LSR: variants seen among roughly 807,000 people sequenced by gnomAD.
LSR encodes the protein lipolysis-stimulated lipoprotein receptor.
LSR carries 44 observed loss-of-function variants against 61.8 expected under a neutral mutation model. That is an observed-to-expected ratio of 0.71 (90% CI 0.56 to 0.91). The LOEUF is 0.91. Ranked by LOEUF, LSR falls within the 40% of genes least tolerant of loss-of-function variation. The pLI is 0.00. For missense variants in LSR, 911 were observed against 830.5 expected, an observed-to-expected ratio of 1.10 and a Z score of -1.19; for synonymous variants, 397 against 350.6, an observed-to-expected ratio of 1.13 and a Z score of -1.48.
rs1240393649 is a variant in LSR at position 35,267,303 on chromosome 19, G to T, written c.1339G>T (p.Asp447Tyr). Residue 447 changes from aspartate to tyrosine, a missense_variant, in exon 9 of 10, where the codon GAC becomes TAC. By Grantham distance (160) the Asp-to-Tyr change is radical (BLOSUM62 -3). Coordinates refer to ENST00000605618, the MANE Select transcript of LSR (RefSeq NM_205834.4). ...RARRPRARSV[D>Y]ALDDLTPPST... ...CAGGCGGCCCCGGGCCCGCTCCGTG[G>T]ACGCCCTGGACGACCTCACCCCGCC... The T allele has an allele frequency of 2.6e-6, 4 of 1,544,358 alleles. No homozygotes were observed. The highest frequency in any genetic ancestry group is 3.5e-6 in the Non-Finnish European group (4 of 1,144,224).
At chr19:35,250,288 C>A (rs775949449) in intron 1 of LSR, 27 bp from the exon 2 acceptor site, 6 of 1,468,748 alleles carry the variant, frequency 4.1e-6, no homozygotes, top group African/African-American at 1.4e-5. Flanking sequence ...TCACAGCAAC[C>A]CTTGCTGTCT....
intron 4 of LSR, 34 bp downstream of exon 4, chr19:35,262,015 G>A: frequency 6.6e-7 from 1 of 1,514,960 alleles, no homozygotes; most frequent in Non-Finnish European, 8.8e-7. Flanking sequence ...GGGCTTCTCG[G>A]GAGCTCCCAT....
In LSR at chr19:35,250,634, G is replaced by A; in HGVS notation, c.429G>A (p.Gln143=). Residue 143 remains glutamine (Q), a synonymous_variant, in exon 2 of 10, where the codon CAG becomes CAA. Transcript: ENST00000605618. ...GNAVTLGDYY[Q]GRRITITGNA... ...CTGTGACCCTGGGAGATTACTACCA[G>A]GGCCGGAGGATTACCATCACCGGAA... 6.3e-7 allele frequency: 1 copy of A among 1,575,052 alleles called. No homozygotes were observed. The highest frequency in any genetic ancestry group is 1.3e-5 in the African/African-American group (1 of 74,446).
intron 3 of LSR, chr19:35,259,271 C>T (rs2065895118): frequency 1.9e-6 from 1 of 516,886 alleles, no homozygotes; most frequent in Non-Finnish European, 3.3e-6. Context: ...TGCCTCCAAT[C>T]ACCCAAGCCA....
Position 35,266,704 on chromosome 19 carries a change from CCT to C in LSR, c.979_980del (p.Leu327AlafsTer11). ...CTGGTGGCCAAGGCTCCTATGTACC[CCT>C]GCTTCGGGACACGGACAGCAGTGTG... Reference protein sequence around the residue: ...SAGGQGSYVPLLRDTDSSVAS... With the variant: ...SAGGQGSYVPXLRDTDSSVAS... On this transcript the variant is annotated frameshift_variant, in exon 7 of 10. Coordinates refer to ENST00000605618, the MANE Select transcript of LSR (RefSeq NM_205834.4). LOFTEE classifies it high-confidence loss of function. 2 of 1,609,246 alleles carry C rather than the reference CCT, an allele frequency of 1.2e-6. No individual in the cohort carries two copies. Among genetic ancestry groups the C allele is most frequent in the Non-Finnish European group, 1.7e-6 (2 of 1,178,170 alleles).
At chr19:35,259,111 CTTCTG>C (rs1422011733) in intron 3 of LSR, 47 bp downstream of exon 3, 4 of 1,590,450 alleles carry the variant, frequency 2.5e-6, no homozygotes, top group Non-Finnish European at 2.6e-6. Flanking sequence ...CTTTTGTCCG[CTTCTG>C]TTCTGTCTGC....
intron 4 of LSR, 89 bp from the exon 5 acceptor site, chr19:35,262,457 G>T: frequency 6.8e-7 from 1 of 1,473,024 alleles, no homozygotes; most frequent in Admixed American, 1.7e-5. Flanking sequence ...CCCGACCTCA[G>T]TGCTGGCTCC....
intron 4 of LSR, 41 bp from the exon 5 acceptor site, chr19:35,262,505 C>T: frequency 1.2e-6 from 2 of 1,613,076 alleles, no homozygotes; most frequent in South Asian, 1.1e-5. Context: ...GCCCTGTTCC[C>T]TCCCAGGCCT....
chr19:35,261,842 C>A, intron 3 of LSR, 83 bp from the exon 4 acceptor site: 1 of 985,806 alleles, frequency 1.0e-6, no homozygotes, highest in Non-Finnish European at 1.4e-6. Context: ...TTGCACTTGG[C>A]CAGCCTGGAG....
intron 1 of LSR, 101 bp from the exon 2 acceptor site, chr19:35,250,214 A>G: frequency 1.3e-6 from 1 of 751,330 alleles, no homozygotes; most frequent in African/African-American, 1.8e-5. Flanking sequence ...CACTCTGTAA[A>G]CCACATACTT....
chr19:35,249,101 G>T lies in LSR; in HGVS notation c.79G>T (p.Val27Leu), dbSNP rs763830716. Residue 27 changes from valine to leucine, a missense_variant, in exon 1 of 10, where the codon GTG becomes TTG. By Grantham distance (32) the Val-to-Leu change is conservative (BLOSUM62 1). Transcript: ENST00000605618. The part of the protein sequence containing the change: ...AAAGRDAVVF[V>L]WLLLSTWCTA... The stretch of plus-strand genomic sequence containing the variant: ...CGCAGGCCGGGACGCGGTCGTCTTC[G>T]TGTGGCTTCTGCTTAGCACCTGGTG... 2 of 1,552,032 alleles carry T rather than the reference G, an allele frequency of 1.3e-6. No homozygotes were observed. Among genetic ancestry groups the T allele is most frequent in the Non-Finnish European group, 1.7e-6 (2 of 1,149,774 alleles).
At chr19:35,267,768 C>T (rs1222311041) in intron 9 of LSR, 34 bp downstream of exon 9, 1 of 1,613,426 alleles carries the variant, frequency 6.2e-7, no homozygotes, top group Admixed American at 1.7e-5. Context: ...CCAGACCGTC[C>T]CTGGGCCCCC....
Position 35,252,611 on chromosome 19 carries a change from T to G in LSR, c.454+1952T>G, listed in dbSNP as rs976647955. Among the ~76,000 whole-genome samples the G allele has an allele frequency of 7.2e-5, 10 of 139,732 alleles. No individual in the cohort carries two copies. The East Asian group carries it at 2.1e-3, about 30-fold the overall frequency. 91.7% of individuals were successfully genotyped at this position (139,732 alleles called of 152,430 possible). A position where few individuals can be genotyped will look rare whatever the true frequency, so the allele number is the denominator to read the frequency against. Reference sequence around the variant, plus strand: ...TTGCAGTGAGCTGAGATCGCACCACTGTACTGCAGTCTGGGCGACAGAGTG... The same window carrying G: ...TTGCAGTGAGCTGAGATCGCACCACGGTACTGCAGTCTGGGCGACAGAGTG... On this transcript the variant is annotated intron_variant, in intron 2 of 9. Coordinates refer to ENST00000605618, the MANE Select transcript of LSR (RefSeq NM_205834.4).
At chr19:35,257,226 C>T (rs768057004) in intron 2 of LSR, among the ~76,000 whole-genome samples, 9 of 152,156 alleles carry the variant, frequency 5.9e-5, no homozygotes, top group African/African-American at 1.4e-4. Flanking sequence ...CTCTGCCTCA[C>T]GGAGCCCACA....
chr19:35,256,102 C>T (rs1326195868), intron 2 of LSR, among the ~76,000 whole-genome samples: 1 of 152,076 alleles, frequency 6.6e-6, no homozygotes, highest in East Asian at 1.9e-4. Flanking sequence ...GTTATGTTGG[C>T]AGGCGCCTAT....
chr19:35,260,195 A>G lies in LSR; in HGVS notation c.574+1131A>G, dbSNP rs565079581. Among the ~76,000 whole-genome samples, 7 of 152,014 alleles carry G rather than the reference A, an allele frequency of 4.6e-5. No homozygotes were observed. The South Asian group carries it at 1.0e-3, about 23-fold the overall frequency. On this transcript the variant is annotated intron_variant, in intron 3 of 9. Transcript: ENST00000605618. ...TCTCCAGGTCTATTTACACTCTAAA[A>G]CATTATCGAGGGTCTCCAAGAGCTT...
intron 2 of LSR, among the ~76,000 whole-genome samples, chr19:35,254,317 A>C (rs1282015574): frequency 6.6e-6 from 1 of 152,184 alleles, no homozygotes; most frequent in Admixed American, 6.5e-5. Flanking sequence ...GCTGGTCTCA[A>C]ACTCCTGACC....
At position 35,267,752 on chromosome 19, in the gene LSR, T is replaced by TGGCGTCCAGACCGTCCCTG; in HGVS notation, c.1770+22_1770+40dup. On this transcript the variant is annotated intron_variant, in intron 9 of 9. Coordinates refer to ENST00000605618, the MANE Select transcript of LSR (RefSeq NM_205834.4). ...TCAAGAAGGTGAGGGCCGCCCTCCC[T>TGGCGTCCAGACCGTCCCTG]GGCGTCCAGACCGTCCCTGGGCCCC... The TGGCGTCCAGACCGTCCCTG allele has an allele frequency of 6.2e-7, 1 of 1,611,010 alleles. No homozygotes were observed. The highest frequency in any genetic ancestry group is 8.5e-7 in the Non-Finnish European group (1 of 1,179,070).
intron 1 of LSR, among the ~76,000 whole-genome samples, 159 bp from the exon 2 acceptor site, chr19:35,250,156 C>T (rs1277083474): frequency 6.6e-6 from 1 of 152,150 alleles, no homozygotes; most frequent in African/African-American, 2.4e-5. Flanking sequence ...GCATGATTAT[C>T]GTGGCTACCT....
Sources: allele counts gnomAD v4.1 joint callset (sites outside exome capture counted in the v4.1 genomes callset), GRCh38; gene constraint gnomAD v4.1.1; transcripts MANE v1.5; gene names NCBI Gene and HGNC (gene_info 2026-07-23, HGNC 2026-07-21).